Variants in MAML3 observed in about 807,000 individuals in gnomAD.
MAML3 encodes mastermind like transcriptional coactivator 3, also known as mastermind-like protein 3.
MAML3 carries 27 observed loss-of-function variants against 101.9 expected under a neutral mutation model. The observed-to-expected ratio is 0.27, with a 90% CI of 0.20 to 0.37. MAML3 has a LOEUF of 0.37. Among genes scored for constraint, MAML3 ranks in the 10% least tolerant of loss-of-function variants. The probability of loss-of-function intolerance (pLI) is 1.00; values close to 1 mark genes in which losing one functional copy is unlikely to be tolerated. For missense variants in MAML3, 1,316 were observed against 1,444.9 expected, an observed-to-expected ratio of 0.91 and a Z score of 1.45; for synonymous variants, 501 against 555.9, an observed-to-expected ratio of 0.90 and a Z score of 1.39.
rs138102645 is a variant in MAML3 at position 139,883,117 on chromosome 4, A to G, written c.2079+6240T>C. Among the ~76,000 whole-genome samples the G allele has an allele frequency of 8.0e-3, 1,221 of 152,312 alleles. 2 individuals are homozygous for G. The highest frequency in any genetic ancestry group is 0.014 in the Non-Finnish European group (967 of 68,018). On this transcript the variant is annotated intron_variant, in intron 2 of 4. Coordinates refer to ENST00000509479, the MANE Select transcript of MAML3 (RefSeq NM_018717.5). ...AAGAATGATGGTGAAGGGTGATTGC[A>G]AGACTTCCGTTAAGCAGCAGACCAA... is the stretch of plus-strand genomic sequence containing the variant.
At chr4:139,805,645 A>G (rs968078627) in intron 2 of MAML3, among the ~76,000 whole-genome samples, 7 of 152,232 alleles carry the variant, frequency 4.6e-5, no homozygotes, top group African/African-American at 1.7e-4. Context: ...GAGACTGCAT[A>G]TTGTGAAGAA....
chr4:140,078,989 A>G (rs1386932748), intron 1 of MAML3, among the ~76,000 whole-genome samples: 1 of 151,840 alleles, frequency 6.6e-6, no homozygotes, highest in Non-Finnish European at 1.5e-5. Flanking sequence ...TATATGAAAA[A>G]CCTCGCAGGT....
intron 2 of MAML3, among the ~76,000 whole-genome samples, chr4:139,744,822 G>C (rs1203442161): frequency 6.6e-6 from 1 of 152,194 alleles, no homozygotes; most frequent in Non-Finnish European, 1.5e-5. Context: ...CGTGTGTTCT[G>C]TTTCCATTCG....
chr4:139,871,833 A>G (rs1456651281), intron 2 of MAML3, among the ~76,000 whole-genome samples: 1 of 152,100 alleles, frequency 6.6e-6, no homozygotes, highest in Non-Finnish European at 1.5e-5. Flanking sequence ...AAAGAAGAAA[A>G]CCCTAGGACA....
At chr4:139,853,581 C>G (rs1731599337) in intron 2 of MAML3, among the ~76,000 whole-genome samples, 1 of 152,096 alleles carries the variant, frequency 6.6e-6, no homozygotes, top group Non-Finnish European at 1.5e-5. Context: ...CTGATCAACC[C>G]CAAGCTTTAT....
At chr4:140,065,286 CT>C (rs561578229) in intron 1 of MAML3, among the ~76,000 whole-genome samples, 81 of 145,526 alleles carry the variant, frequency 5.6e-4, no homozygotes, top group Admixed American at 6.9e-4. Flanking sequence ...TTACGGTTTG[CT>C]TTTTTTTTTT....
intron 1 of MAML3, among the ~76,000 whole-genome samples, chr4:139,903,088 C>A (rs897692629): frequency 6.6e-6 from 1 of 152,196 alleles, no homozygotes; most frequent in East Asian, 1.9e-4. Flanking sequence ...CCTGGGTTAA[C>A]CAAGTACTGG....
chr4:139,866,166 G>A (rs1452319136), intron 2 of MAML3, among the ~76,000 whole-genome samples: 1 of 152,216 alleles, frequency 6.6e-6, no homozygotes. Flanking sequence ...TGGCCACGAA[G>A]GTATACTTGT....
chr4:140,119,769 A>C (rs1207589491), intron 1 of MAML3, among the ~76,000 whole-genome samples: 1 of 152,050 alleles, frequency 6.6e-6, no homozygotes, highest in Non-Finnish European at 1.5e-5. Context: ...CCACAGGCAC[A>C]AACAAGATCC....
chr4:140,127,521 A>G (rs1457635654), intron 1 of MAML3, among the ~76,000 whole-genome samples: 1 of 152,240 alleles, frequency 6.6e-6, no homozygotes, highest in Non-Finnish European at 1.5e-5. Flanking sequence ...GAGAGCCAGC[A>G]AAAGCTCGAC....
At chr4:139,809,813 G>A (rs890454302) in intron 2 of MAML3, among the ~76,000 whole-genome samples, 2 of 151,880 alleles carry the variant, frequency 1.3e-5, no homozygotes, top group African/African-American at 2.4e-5. Context: ...AGAAAGCACA[G>A]GGGTGGTCAG....
intron 2 of MAML3, among the ~76,000 whole-genome samples, chr4:139,887,985 T>A (rs1732376022): frequency 6.6e-6 from 1 of 152,220 alleles, no homozygotes; most frequent in South Asian, 2.1e-4. Context: ...CTGATTGCAG[T>A]CAATGTAAAC....
chr4:140,148,579 G>T (rs902763843), intron 1 of MAML3, among the ~76,000 whole-genome samples: 6 of 152,168 alleles, frequency 3.9e-5, no homozygotes, highest in Admixed American at 2.6e-4. Flanking sequence ...CAAAGAAAAG[G>T]TTATCATAGG....
At chr4:139,833,484 G>A (rs1441206645) in intron 2 of MAML3, among the ~76,000 whole-genome samples, 2 of 152,120 alleles carry the variant, frequency 1.3e-5, no homozygotes, top group Non-Finnish European at 2.9e-5. Flanking sequence ...AGGCGTGGAG[G>A]CTAGAGTGGG....
intron 1 of MAML3, among the ~76,000 whole-genome samples, chr4:140,026,629 A>G (rs945945490): frequency 2.0e-5 from 3 of 152,192 alleles, no homozygotes; most frequent in Non-Finnish European, 2.9e-5. Flanking sequence ...GTTGGACTCA[A>G]CAAATACTAT....
At chr4:139,776,911 C>T (rs1730107241) in intron 2 of MAML3, among the ~76,000 whole-genome samples, 1 of 152,114 alleles carries the variant, frequency 6.6e-6, no homozygotes, top group Non-Finnish European at 1.5e-5. Flanking sequence ...GCACAGAGGG[C>T]AGCAATAGCC....
intron 2 of MAML3, among the ~76,000 whole-genome samples, chr4:139,865,096 G>A (rs1414720032): frequency 6.6e-6 from 1 of 151,576 alleles, no homozygotes; most frequent in African/African-American, 2.4e-5. Context: ...AGCATATTTG[G>A]GCAAAATTTA....
At chr4:139,765,564 T>G (rs970919668) in intron 2 of MAML3, among the ~76,000 whole-genome samples, 1 of 152,280 alleles carries the variant, frequency 6.6e-6, no homozygotes, top group African/African-American at 2.4e-5. Context: ...GGTGGCCTTC[T>G]TCATTTCAAG....
chr4:139,948,732 T>C (rs1733780311), intron 1 of MAML3, among the ~76,000 whole-genome samples: 1 of 152,262 alleles, frequency 6.6e-6, no homozygotes, highest in Admixed American at 6.5e-5. Flanking sequence ...ATATTATCCA[T>C]CAGTAATTGT....
Sources: gnomAD v4.1 joint callset for allele counts (sites outside exome capture counted in the v4.1 genomes callset) on GRCh38, gnomAD v4.1.1 for gene constraint, MANE v1.5 for transcripts, NCBI Gene and HGNC (gene_info 2026-07-23, HGNC 2026-07-21) for gene names.